Variants in TEAD1 observed in about 807,000 individuals in gnomAD.
TEAD1 encodes TEA domain transcription factor 1.
In TEAD1, 9 loss-of-function variants were observed where a neutral mutation model predicts 54.9. The ratio of observed to expected loss-of-function variants is 0.16; its 90% CI spans 0.10 to 0.29. The LOEUF (loss-of-function observed/expected upper bound fraction) is 0.29, where lower values mean the gene tolerates loss of function less well. TEAD1 is among the 10% of genes least tolerant of loss of function. The pLI is 1.00. For synonymous variants in TEAD1, 200 were observed against 187.8 expected (o/e 1.07, Z -0.53); for missense variants, 387 against 535.9 (o/e 0.72, Z 2.74).
intron 3 of TEAD1, among the ~76,000 whole-genome samples, chr11:12,815,369 G>T (rs116982005): frequency 2.0e-5 from 3 of 151,938 alleles, no homozygotes; most frequent in African/African-American, 7.2e-5. Flanking sequence ...AGCTGTTTCC[G>T]TTTGGTTTTT....
chr11:12,739,833 A>G (rs983861877), intron 2 of TEAD1, among the ~76,000 whole-genome samples: 1 of 152,196 alleles, frequency 6.6e-6, no homozygotes, highest in African/African-American at 2.4e-5. Context: ...TCTACTCCCC[A>G]TCCCAAATAT....
intron 10 of TEAD1, among the ~76,000 whole-genome samples, chr11:12,919,949 C>G (rs1189481020): frequency 6.6e-6 from 1 of 152,180 alleles, no homozygotes; most frequent in Non-Finnish European, 1.5e-5. Flanking sequence ...CAGGTGCAGT[C>G]TGAGTCCACA....
chr11:12,748,709 A>G (rs1443362283), intron 2 of TEAD1, among the ~76,000 whole-genome samples: 1 of 152,092 alleles, frequency 6.6e-6, no homozygotes, highest in Non-Finnish European at 1.5e-5. Flanking sequence ...TCGTATAACC[A>G]GGCTTGGGGA....
At chr11:12,699,267 T>G (rs1943647054) in intron 2 of TEAD1, among the ~76,000 whole-genome samples, 1 of 152,188 alleles carries the variant, frequency 6.6e-6, no homozygotes. Context: ...AGCTCTATAA[T>G]GTGTATACCT....
At chr11:12,846,870 G>A (rs897226136) in intron 3 of TEAD1, among the ~76,000 whole-genome samples, 3 of 152,162 alleles carry the variant, frequency 2.0e-5, no homozygotes, top group Non-Finnish European at 4.4e-5. Flanking sequence ...ATTCTGTTAG[G>A]GAACAAAACA....
At chr11:12,743,479 A>G (rs1423376426) in intron 2 of TEAD1, among the ~76,000 whole-genome samples, 2 of 152,260 alleles carry the variant, frequency 1.3e-5, no homozygotes, top group African/African-American at 4.8e-5. Context: ...AACCAATATA[A>G]TTAGTATTAG....
intron 3 of TEAD1, among the ~76,000 whole-genome samples, chr11:12,854,915 C>G (rs1266356710): frequency 6.6e-6 from 1 of 151,934 alleles, no homozygotes; most frequent in Non-Finnish European, 1.5e-5. Context: ...ATCTTTTTAC[C>G]CCCATAATTT....
At chr11:12,915,214 C>T (rs1948688962) in intron 10 of TEAD1, among the ~76,000 whole-genome samples, 1 of 152,266 alleles carries the variant, frequency 6.6e-6, no homozygotes, top group African/African-American at 2.4e-5. Context: ...TGCCTTTGTT[C>T]CAGCAGGCTT....
chr11:12,697,897 C>G (rs979469887), intron 2 of TEAD1, among the ~76,000 whole-genome samples: 2 of 152,052 alleles, frequency 1.3e-5, no homozygotes, highest in African/African-American at 4.8e-5. Context: ...GTGGCAGGCA[C>G]CTATAATCCC....
chr11:12,901,535 G>A (rs958938386), intron 9 of TEAD1, among the ~76,000 whole-genome samples: 1 of 152,170 alleles, frequency 6.6e-6, no homozygotes, highest in East Asian at 1.9e-4. Context: ...GGGACAAGAA[G>A]TGCATTCTGG....
intron 2 of TEAD1, among the ~76,000 whole-genome samples, chr11:12,704,235 C>T (rs902062450): frequency 1.3e-5 from 2 of 152,282 alleles, no homozygotes; most frequent in Middle Eastern, 3.4e-3. Flanking sequence ...GCATCTTAGC[C>T]GTTCAGTTTG....
chr11:12,690,241 CAAAA>C (rs1173617315), intron 2 of TEAD1, among the ~76,000 whole-genome samples: 2 of 81,690 alleles, frequency 2.4e-5, no homozygotes, highest in Non-Finnish European at 2.7e-5. Flanking sequence ...GACTCCGTCT[CAAAA>C]AAAAAAAAAA....
intron 3 of TEAD1, among the ~76,000 whole-genome samples, chr11:12,819,999 TG>T (rs917537126): frequency 1.3e-4 from 7 of 53,530 alleles, no homozygotes; most frequent in African/African-American, 4.7e-4. Flanking sequence ...GGGCAGAGAC[TG>T]GGTGGTTGGA....
intron 3 of TEAD1, among the ~76,000 whole-genome samples, chr11:12,857,970 C>T (rs1947425112): frequency 6.6e-6 from 1 of 152,124 alleles, no homozygotes; most frequent in Admixed American, 6.6e-5. Flanking sequence ...CCTGTAGTCC[C>T]ATGAGCTACC....
intron 2 of TEAD1, among the ~76,000 whole-genome samples, chr11:12,686,049 G>A (rs1175578424): frequency 6.6e-6 from 1 of 152,012 alleles, no homozygotes; most frequent in Non-Finnish European, 1.5e-5. Context: ...TTGTATTTTC[G>A]ACAGGGCTGC....
At position 12,744,445 on chromosome 11, in the gene TEAD1, C is replaced by T. The variant is rs1944707012; in HGVS notation, c.-54-19734C>T. Among the ~76,000 whole-genome samples, 3 of 152,140 alleles carry T rather than the reference C, an allele frequency of 2.0e-5. No homozygotes were observed. In the South Asian group the frequency reaches 6.2e-4, roughly 31 times the overall value. On this transcript the variant is annotated intron_variant, in intron 2 of 12. Coordinates refer to ENST00000527636, the MANE Select transcript of TEAD1 (RefSeq NM_021961.6). The stretch of plus-strand genomic sequence containing the variant: ...ATGTACCTCTTAAAAATCACAGACA[C>T]AGAGAAGTTTTCAGGACTCAGGAAC...
At chr11:12,910,168 A>G (rs948061816) in intron 10 of TEAD1, among the ~76,000 whole-genome samples, 13 of 152,248 alleles carry the variant, frequency 8.5e-5, no homozygotes, top group African/African-American at 3.1e-4. Flanking sequence ...AGACATGAGT[A>G]TGATTCAGTC....
chr11:12,681,421 A>G (rs968664682), intron 2 of TEAD1, among the ~76,000 whole-genome samples: 9 of 152,204 alleles, frequency 5.9e-5, no homozygotes, highest in African/African-American at 2.2e-4. Context: ...CATTTATATA[A>G]TTTGAAATCA....
chr11:12,735,535 G>C (rs59630686), intron 2 of TEAD1, among the ~76,000 whole-genome samples: 1 of 149,786 alleles, frequency 6.7e-6, no homozygotes, highest in Non-Finnish European at 1.5e-5. Flanking sequence ...ATCTCTGCCC[G>C]CCCTCCTTGT....
Sources: gnomAD v4.1 joint callset for allele counts (sites outside exome capture counted in the v4.1 genomes callset) on GRCh38, gnomAD v4.1.1 for gene constraint, MANE v1.5 for transcripts, NCBI Gene and HGNC (gene_info 2026-07-23, HGNC 2026-07-21) for gene names.